The following RALGDS variants were observed in gnomAD, a reference collection of about 807,000 sequenced individuals.
RALGDS encodes the protein ral guanine nucleotide dissociation stimulator.
In RALGDS, 44 loss-of-function variants were observed where a neutral mutation model predicts 99.8. The observed-to-expected ratio is 0.44, with a 90% CI of 0.35 to 0.57. The LOEUF is 0.57. Among genes scored for constraint, RALGDS ranks in the 20% least tolerant of loss-of-function variants. The pLI is 0.01. For synonymous variants in RALGDS, 529 were observed against 505.0 expected (o/e 1.05, Z -0.64); for missense variants, 1,022 against 1,203.1 (o/e 0.85, Z 2.23).
At chr9:133,116,038 C>T (rs1242236396) in intron 1 of RALGDS, among the ~76,000 whole-genome samples, 4 of 152,344 alleles carry the variant, frequency 2.6e-5, no homozygotes, top group Non-Finnish European at 4.4e-5. Context: ...GCCGGTGGGG[C>T]GTGTGCTGGC....
intron 2 of RALGDS, among the ~76,000 whole-genome samples, chr9:133,111,669 T>G (rs1009743928): frequency 2.0e-5 from 3 of 152,200 alleles, no homozygotes; most frequent in Non-Finnish European, 4.4e-5. Context: ...CCAGCCTCCC[T>G]TCTGGAATAT....
chr9:133,102,989 C>A, intron 12 of RALGDS, 89 bp from the exon 13 acceptor site: 2 of 1,562,944 alleles, frequency 1.3e-6, no homozygotes, highest in Non-Finnish European at 1.7e-6. Flanking sequence ...GGGGTCCCTT[C>A]CTCCCCTCTA....
chr9:133,137,882 A>G (rs1002572766), intron 1 of RALGDS, among the ~76,000 whole-genome samples: 10 of 152,238 alleles, frequency 6.6e-5, no homozygotes, highest in African/African-American at 2.4e-4. Flanking sequence ...CCCAAGGCAC[A>G]GCCGTGGCTG....
In RALGDS at chr9:133,145,496, T is replaced by C. The variant is rs151120560; in HGVS notation, c.18+3467A>G. On this transcript the variant is annotated intron_variant, in intron 1 of 17. Transcript: ENST00000393160. ...TTCGTAAAAATCTGTATGTTCGTCA[T>C]ATTCAGATGTTCGTAAAAATCAAGT... Among the ~76,000 whole-genome samples the C allele has an allele frequency of 8.6e-5, 13 of 150,408 alleles. No homozygotes were observed. In the East Asian group the frequency reaches 2.5e-3, roughly 29 times the overall value.
chr9:133,141,341 C>T (rs1035136796), intron 1 of RALGDS, among the ~76,000 whole-genome samples: 3 of 152,236 alleles, frequency 2.0e-5, no homozygotes, highest in African/African-American at 7.2e-5. Flanking sequence ...TGGGGCTCCA[C>T]CTCGCTCCTT....
chr9:133,136,645 C>T (rs1014573762), intron 1 of RALGDS, among the ~76,000 whole-genome samples: 6 of 152,040 alleles, frequency 3.9e-5, no homozygotes, highest in Non-Finnish European at 8.8e-5. Flanking sequence ...GTGGTGGCGG[C>T]GCCTGTAACC....
intron 1 of RALGDS, among the ~76,000 whole-genome samples, chr9:133,146,975 A>C (rs1832632591): frequency 6.6e-6 from 1 of 152,238 alleles, no homozygotes; most frequent in South Asian, 2.1e-4. Context: ...ACCTGGGGGC[A>C]GAGGCACCCA....
rs1056443273 is a variant in RALGDS at position 133,100,980 on chromosome 9, T to C, written c.2454+540A>G. On this transcript the variant is annotated intron_variant, in intron 16 of 17. Transcript: ENST00000372050. ...GAGGGTGGGGGTTACAAATGGTTCA[T>C]CTGTCGCAGGACACCTGGAGGATGA... 9 of 1,048,436 alleles carry C rather than the reference T, an allele frequency of 8.6e-6. No individual in the cohort carries two copies. The African/African-American group carries it at 1.5e-4, about 18-fold the overall frequency. The allele number at this position is 1,048,436 out of a possible 1,614,324, so 64.9% of individuals were successfully genotyped here. A position where few individuals can be genotyped will look rare whatever the true frequency, so the allele number is the denominator to read the frequency against.
chr9:133,100,381 A>G lies in RALGDS; in HGVS notation c.2456T>C (p.Val819Ala). Residue 819 changes from valine (V) to alanine (A), a missense_variant and splice_region_variant, in exon 17 of 18, where the codon GTG (valine) becomes GCG (alanine). Around this residue, in one of 3 missense-constraint regions of RALGDS, gnomAD observed 825 missense variants for 994.5 expected, o/e 0.83. Transcript: ENST00000372050. ...DNGNMYKSIL[V>A]TSQDKAPAVI... ...AGCCGGAGCCTTATCTTGGCTGGTC[A>G]CCTGCATCGCGGCGGGGGATGGACC... 1 of 1,614,070 alleles carries G rather than the reference A, an allele frequency of 6.2e-7. No homozygotes were observed. Among genetic ancestry groups the G allele is most frequent in the Non-Finnish European group, 8.5e-7 (1 of 1,179,972 alleles).
chr9:133,099,635 T>TAC (rs1554737742), intron 17 of RALGDS: 1 of 13,028 alleles, frequency 7.7e-5, no homozygotes, highest in African/African-American at 1.1e-4. Context: ...TGCATATATA[T>TAC]ACACATATAT....
upstream of RALGDS, chr9:133,121,346 G>A: frequency 9.9e-6 from 5 of 507,086 alleles, no homozygotes; most frequent in Non-Finnish European, 1.3e-5. Context: ...AGGGACGCGT[G>A]CGTGCGCGCG....
chr9:133,104,264 G>A lies in RALGDS; in HGVS notation c.1670C>T (p.Thr557Met), dbSNP rs145322600. The stretch of plus-strand genomic sequence containing the variant: ...CTCCGCGGCCTTGGGCACTCTCACC[G>A]TCTCCTTCGGCCGTTTCTGGGCTCT... Reference protein sequence around the residue: ...PKRAQKRPKETGIIQGTVPYL... With the variant: ...PKRAQKRPKEMGIIQGTVPYL... Residue 557 changes from threonine (T) to methionine (M), a missense_variant and splice_region_variant, in exon 10 of 18, where the codon ACG (threonine) becomes ATG (methionine). By Grantham distance (81) the Thr-to-Met change is moderately conservative. This residue lies in a region of RALGDS where 825 missense variants were observed against 994.5 expected (regional missense o/e 0.83). Transcript: ENST00000372050. 361 of 1,613,174 alleles carry A rather than the reference G, an allele frequency of 2.2e-4. 1 individual carries two copies. The highest frequency in any genetic ancestry group is 2.6e-4 in the Non-Finnish European group (312 of 1,179,332).
chr9:133,121,376 C>G, upstream of RALGDS: 2 of 268,800 alleles, frequency 7.4e-6, no homozygotes, highest in Non-Finnish European at 1.1e-5. Flanking sequence ...CCGCCCTCGC[C>G]GAGGTCAGAC....
intron 8 of RALGDS, 52 bp from the exon 9 acceptor site, chr9:133,106,068 T>G (rs1588519751): frequency 7.1e-7 from 1 of 1,409,716 alleles, no homozygotes; most frequent in Non-Finnish European, 1.0e-6. Context: ...TAGGGAGGGG[T>G]GTGAGTGCAA....
Position 133,102,776 on chromosome 9 carries a change from C to T in RALGDS, c.1913+3G>A, listed in dbSNP as rs749364085. On this transcript the variant is annotated splice_donor_region_variant and intron_variant, in intron 13 of 17. Transcript: ENST00000372050. ...CTGTCCCCATTTGCTGCCCCGGCCT[C>T]ACCTCTCAGTCTCGCTGAGCCGCTC... 2.5e-6 allele frequency: 4 copies of T among 1,611,628 alleles called. No homozygotes were observed. The highest frequency in any genetic ancestry group is 1.1e-5 in the South Asian group (1 of 90,892).
chr9:133,116,794 C>G (rs1831631239), intron 1 of RALGDS, among the ~76,000 whole-genome samples: 2 of 152,262 alleles, frequency 1.3e-5, no homozygotes, highest in African/African-American at 4.8e-5. Context: ...GGTCAGGAGC[C>G]AGGACGTGGC....
chr9:133,106,502 T>C (rs1269794278), intron 8 of RALGDS, 143 bp downstream of exon 8: 1 of 650,930 alleles, frequency 1.5e-6, no homozygotes. Flanking sequence ...AGCCGAGCTC[T>C]GAGGCAGAGC....
rs187286717 is a variant in RALGDS, at chr9:133,144,960, G to A, written c.18+4003C>T. The stretch of plus-strand genomic sequence containing the variant: ...GGGAAAATTGGACAGACACGCACAG[G>A]CGGACAGACACGAACTGATGAAGGC... On this transcript the variant is annotated intron_variant, in intron 1 of 17. Coordinates refer to the RALGDS transcript ENST00000393160. This position sits in a 1 kb window ranked among gnomAD's most constrained non-coding sequence, Gnocchi z 4.5. 1.4e-3 allele frequency among the ~76,000 whole-genome samples: 212 copies of A among 152,306 alleles called. No homozygotes were observed. The highest frequency in any genetic ancestry group is 6.8e-3 in the Middle Eastern group (2 of 294).
chr9:133,111,562 T>C (rs1831343430), intron 2 of RALGDS, among the ~76,000 whole-genome samples: 1 of 152,242 alleles, frequency 6.6e-6, no homozygotes, highest in Non-Finnish European at 1.5e-5. Context: ...ATTACAGGCA[T>C]GAGCCACTGC....
Sources: gnomAD v4.1 joint callset for allele counts (sites outside exome capture counted in the v4.1 genomes callset) on GRCh38, gnomAD v4.1.1 for gene constraint, gnomAD v4.1.1 regional missense constraint, Gnocchi (gnomAD v3.1) non-coding constraint, MANE v1.5 for transcripts, NCBI Gene and HGNC (gene_info 2026-07-23, HGNC 2026-07-21) for gene names.